The following CTNND2 variants were observed in gnomAD, a reference collection of about 807,000 sequenced individuals.
CTNND2 encodes the protein catenin delta-2.
Under a neutral mutation model 144.4 loss-of-function variants are expected in CTNND2, and 22 were observed. The observed-to-expected ratio is 0.15, with a 90% CI of 0.11 to 0.22. The LOEUF (loss-of-function observed/expected upper bound fraction) is 0.22, where lower values mean the gene tolerates loss of function less well. Ranked by LOEUF, CTNND2 falls within the 10% of genes least tolerant of loss-of-function variation. The probability of loss-of-function intolerance (pLI) is 1.00; values close to 1 mark genes in which losing one functional copy is unlikely to be tolerated. For synonymous variants in CTNND2, 751 were observed against 695.6 expected, an observed-to-expected ratio of 1.08 and a Z score of -1.25; for missense variants, 1,353 against 1,618.8, an observed-to-expected ratio of 0.84 and a Z score of 2.82.
chr5:11,883,282 T>C (rs911401328), intron 1 of CTNND2, among the ~76,000 whole-genome samples: 3 of 152,148 alleles, frequency 2.0e-5, no homozygotes, highest in Non-Finnish European at 4.4e-5. Context: ...GCTGCACTCA[T>C]CAACCTGTCA....
At chr5:11,621,519 T>A (rs1391685670) in intron 2 of CTNND2, among the ~76,000 whole-genome samples, 4 of 152,206 alleles carry the variant, frequency 2.6e-5, no homozygotes, top group African/African-American at 9.6e-5. Context: ...GAAAAAATCG[T>A]GTAAATGGCA....
chr5:11,468,191 G>C (rs1766847520), intron 3 of CTNND2, among the ~76,000 whole-genome samples: 1 of 152,120 alleles, frequency 6.6e-6, no homozygotes. Flanking sequence ...CTAAGATTAA[G>C]GCAGTCCCTA....
At chr5:11,025,266 A>G (rs1332446899) in intron 16 of CTNND2, among the ~76,000 whole-genome samples, 1 of 152,244 alleles carries the variant, frequency 6.6e-6, no homozygotes, top group African/African-American at 2.4e-5. Context: ...TTATTTTAAA[A>G]GTTTACAATT....
intron 3 of CTNND2, among the ~76,000 whole-genome samples, chr5:11,540,290 A>G (rs572320212): frequency 6.6e-6 from 1 of 152,140 alleles, no homozygotes; most frequent in East Asian, 1.9e-4. Context: ...AGTTGCCAGT[A>G]TTGCCCTTCT....
intron 3 of CTNND2, among the ~76,000 whole-genome samples, chr5:11,536,996 A>G (rs1046407683): frequency 6.6e-6 from 1 of 152,100 alleles, no homozygotes; most frequent in Non-Finnish European, 1.5e-5. Context: ...GGGATTTAGA[A>G]TACAAGTTCT....
intron 8 of CTNND2, among the ~76,000 whole-genome samples, chr5:11,360,519 C>T (rs1455719628): frequency 2.6e-5 from 4 of 152,054 alleles, no homozygotes; most frequent in South Asian, 2.1e-4. Flanking sequence ...GCTGGTAGAG[C>T]GTACAGCTGT....
At position 11,162,143 on chromosome 5, in the gene CTNND2, G is replaced by A. The variant is rs550027610; in HGVS notation, c.1976-2384C>T. ...ACTCCAGCCTGGGTGACAGAGCAAG[G>A]TTCCATCTCGGGAAAGCAAGCAAGC... On this transcript the variant is annotated intron_variant, in intron 11 of 21. Transcript: ENST00000304623. Among the ~76,000 whole-genome samples the A allele has an allele frequency of 5.1e-4, 77 of 152,116 alleles. 1 individual carries two copies. Among genetic ancestry groups the A allele is most frequent in the South Asian group, 1.9e-3 (9 of 4,802 alleles).
At chr5:11,900,293 A>G (rs1325856255) in intron 1 of CTNND2, among the ~76,000 whole-genome samples, 1 of 152,224 alleles carries the variant, frequency 6.6e-6, no homozygotes, top group Non-Finnish European at 1.5e-5. Context: ...AGAGCTTGGA[A>G]TTGCACTTAA....
At chr5:11,609,596 A>G (rs1345598827) in intron 2 of CTNND2, among the ~76,000 whole-genome samples, 2 of 152,238 alleles carry the variant, frequency 1.3e-5, no homozygotes, top group Non-Finnish European at 2.9e-5. Flanking sequence ...ATTAAATAAT[A>G]GTATTGGACA....
intron 1 of CTNND2, among the ~76,000 whole-genome samples, chr5:11,771,012 T>C (rs979780723): frequency 1.3e-5 from 2 of 152,164 alleles, no homozygotes; most frequent in East Asian, 1.9e-4. Context: ...TTCTTTTCTT[T>C]AATGTATGTC....
chr5:11,717,113 C>T (rs545171467), intron 2 of CTNND2, among the ~76,000 whole-genome samples: 1 of 151,930 alleles, frequency 6.6e-6, no homozygotes, highest in East Asian at 2.0e-4. Flanking sequence ...GGTGATCCAC[C>T]CACCTCAGCC....
chr5:11,309,817 T>A (rs555381243), intron 9 of CTNND2, among the ~76,000 whole-genome samples: 2 of 152,122 alleles, frequency 1.3e-5, no homozygotes, highest in East Asian at 3.9e-4. Context: ...TGCTGGGAGG[T>A]GATTGGATCA....
intron 2 of CTNND2, among the ~76,000 whole-genome samples, chr5:11,578,578 T>G (rs551455879): frequency 2.0e-4 from 31 of 152,096 alleles, no homozygotes; most frequent in African/African-American, 7.2e-4. Context: ...GGTAAATCGC[T>G]TGAACTCGGG....
At chr5:11,084,081 A>C in intron 15 of CTNND2, 54 of 374,142 alleles carry the variant, frequency 1.4e-4, no homozygotes, top group Middle Eastern at 4.2e-4. Context: ...TTTGTATCTC[A>C]AGCTCTAGGA....
intron 9 of CTNND2, among the ~76,000 whole-genome samples, chr5:11,328,311 A>C (rs1752741267): frequency 6.8e-6 from 1 of 147,026 alleles, no homozygotes; most frequent in African/African-American, 2.5e-5. Context: ...TTTTTTCCTC[A>C]AGACAGTATC....
chr5:11,293,887 C>T (rs572708121), intron 9 of CTNND2, among the ~76,000 whole-genome samples: 1 of 149,942 alleles, frequency 6.7e-6, no homozygotes, highest in Non-Finnish European at 1.5e-5. Context: ...GTGAGTTTTA[C>T]TAAATTATGC....
chr5:11,462,637 C>T (rs1413360127), intron 3 of CTNND2, among the ~76,000 whole-genome samples: 2 of 151,234 alleles, frequency 1.3e-5, no homozygotes, highest in African/African-American at 2.4e-5. Context: ...CTAAAAAGCA[C>T]AAAAAATAAA....
intron 8 of CTNND2, among the ~76,000 whole-genome samples, chr5:11,348,735 C>G: frequency 6.6e-6 from 1 of 151,716 alleles, no homozygotes; most frequent in East Asian, 2.0e-4. Context: ...CTCAAAGGAC[C>G]ATGAATTAAA....
intron 5 of CTNND2, among the ~76,000 whole-genome samples, chr5:11,408,033 T>A (rs1272841516): frequency 1.3e-5 from 2 of 152,020 alleles, no homozygotes; most frequent in African/African-American, 2.4e-5. Flanking sequence ...AAAGAGATTA[T>A]GACATTGATT....
Sources: gnomAD v4.1 joint callset for allele counts (sites outside exome capture counted in the v4.1 genomes callset) on GRCh38, gnomAD v4.1.1 for gene constraint, MANE v1.5 for transcripts, NCBI Gene and HGNC (gene_info 2026-07-23, HGNC 2026-07-21) for gene names.